GAL3ST4: variants seen among roughly 807,000 people sequenced by gnomAD.
GAL3ST4 encodes the protein beta-galactose-3-O-sulfotransferase 4.
GAL3ST4 carries 30 observed loss-of-function variants against 31.6 expected under a neutral mutation model. The ratio of observed to expected loss-of-function variants is 0.95; its 90% confidence interval spans 0.71 to 1.29. GAL3ST4 has a LOEUF of 1.29. Ranked by LOEUF, GAL3ST4 falls within the 50% of genes most tolerant of loss-of-function variation. The pLI is 0.00. For missense variants in GAL3ST4, 629 were observed against 625.2 expected, an observed-to-expected ratio of 1.01 and a Z score of -0.06; for synonymous variants, 248 against 256.9, an observed-to-expected ratio of 0.97 and a Z score of 0.33.
intron 3 of GAL3ST4, among the ~76,000 whole-genome samples, chr7:100,165,487 G>T (rs1473448891): frequency 6.6e-6 from 1 of 152,068 alleles, no homozygotes; most frequent in Non-Finnish European, 1.5e-5. Flanking sequence ...AATGTGAGGG[G>T]GTTGAAGAAG....
At position 100,160,686 on chromosome 7, in the gene GAL3ST4, G is replaced by A; in HGVS notation, c.703C>T (p.Pro235Ser). 6.2e-7 allele frequency: 1 copy of A among 1,613,874 alleles called. No individual in the cohort carries two copies. The highest frequency in any genetic ancestry group is 1.1e-5 in the South Asian group (1 of 91,076). The part of the protein sequence containing the change: ...KRGNIHPPRD[P>S]NPPQLQVLPS... ...AAGACCTGCAGCTGTGGGGGGTTGG[G>A]GTCTCTGGGGGGATGAATATTCCCT... Residue 235 changes from proline (P) to serine (S), a missense_variant, in exon 4 of 4, where the codon CCC becomes TCC. Coordinates refer to ENST00000360039, the MANE Select transcript of GAL3ST4 (RefSeq NM_024637.5).
In GAL3ST4 at chr7:100,163,028, A is replaced by T. The variant is rs547830792; in HGVS notation, c.430-2069T>A. On this transcript the variant is annotated intron_variant, in intron 3 of 3. Coordinates refer to ENST00000360039, the MANE Select transcript of GAL3ST4 (RefSeq NM_024637.5). The stretch of plus-strand genomic sequence containing the variant: ...AACCAACCTTTGTACTCATTTCTCC[A>T]GCAAAAACCTGTTGAGTGCCTGGGA... 6.0e-4 allele frequency among the ~76,000 whole-genome samples: 91 copies of T among 152,300 alleles called. 3 individuals carry two copies. In the South Asian group the frequency reaches 0.018, roughly 30 times the overall value.
chr7:100,161,023 A>G, intron 3 of GAL3ST4, 64 bp from the exon 4 acceptor site: 14 of 1,395,516 alleles, frequency 1.0e-5, no homozygotes, highest in Non-Finnish European at 1.2e-5. Flanking sequence ...ATAAGTATGC[A>G]CAAGCCATGT....
At chr7:100,161,061 C>T (rs574254224) in intron 3 of GAL3ST4, 102 bp from the exon 4 acceptor site, 1 of 958,296 alleles carries the variant, frequency 1.0e-6, no homozygotes, top group South Asian at 1.8e-5. Context: ...CTGAAACCTC[C>T]TCCTCCCAGC....
In GAL3ST4 at chr7:100,160,738, G is replaced by C. The variant is rs1798988579; in HGVS notation, c.651C>G (p.Pro217=). The C allele has an allele frequency of 6.2e-7, 1 of 1,614,154 alleles. No homozygotes were observed. The highest frequency in any genetic ancestry group is 8.5e-7 in the Non-Finnish European group (1 of 1,180,032). ...TCTTGGCCCTCTTCTCTGGGGGAAAGGGCAGGCCAAAGTCAAACCATAGTA... is the reference window on the plus strand; with the variant it reads ...TCTTGGCCCTCTTCTCTGGGGGAAACGGCAGGCCAAAGTCAAACCATAGTA... The part of the protein sequence containing the change: ...RNLLWFDFGL[P]FPPEKRAKRG... The change falls in exon 4 of 4, where the codon CCC becomes CCG. Residue 217 remains proline, a synonymous_variant. Transcript: ENST00000360039.
rs1361009101 is a variant in GAL3ST4 at position 100,168,387 on chromosome 7, C to T, written c.-189+159G>A. On this transcript the variant is annotated intron_variant, in intron 1 of 3. Transcript: ENST00000360039. The surrounding 1 kb of genome is among the most constrained non-coding windows in gnomAD (Gnocchi z 4.1). ...GAGTTCTTCATTTCCTTCCATCCAT[C>T]TCTCCCTTCCCATGATTGGAGATCC... Among the ~76,000 whole-genome samples the T allele has an allele frequency of 6.6e-6, 1 of 152,246 alleles. No individual in the cohort carries two copies. The highest frequency in any genetic ancestry group is 1.5e-5 in the Non-Finnish European group (1 of 68,040).
Position 100,165,817 on chromosome 7 carries a change from T to TCACACACACACACA in GAL3ST4, c.429+684_429+685insTGTGTGTGTGTGTG, listed in dbSNP as rs1491177370. Among the ~76,000 whole-genome samples the TCACACACACACACA allele has an allele frequency of 2.0e-4, 11 of 55,280 alleles. No homozygotes were observed. In the South Asian group the frequency reaches 2.5e-3, roughly 13 times the overall value. The allele number at this position is 55,280 out of a possible 152,430, so 36.3% of individuals were successfully genotyped here. A position where few individuals can be genotyped will look rare whatever the true frequency, so the allele number is the denominator to read the frequency against. On this transcript the variant is annotated intron_variant, in intron 3 of 3. Transcript: ENST00000360039. ...GCCTGGATGACAGAATGAGACCCTG[T>TCACACACACACACA]CTCACACACACACACACACACACAC...
intron 3 of GAL3ST4, among the ~76,000 whole-genome samples, chr7:100,165,819 TCACACACACACA>T (rs61284255): frequency 9.5e-5 from 13 of 136,374 alleles, no homozygotes; most frequent in East Asian, 2.2e-4. Flanking sequence ...AGACCCTGTC[TCACACACACACA>T]CACACACACA....
rs1168792508 is a variant in GAL3ST4, at chr7:100,166,975, T to A, written c.121A>T (p.Arg41Trp). 1.3e-6 allele frequency: 2 copies of A among 1,592,434 alleles called. No individual in the cohort carries two copies. Among genetic ancestry groups the A allele is most frequent in the Non-Finnish European group, 1.7e-6 (2 of 1,170,422 alleles). ...TGGGGCAAAGTGGGAACTCACCTCC[T>A]CTGGAAGGGCCCTCCCAAGAGCTGG... Reference protein sequence around the residue: ...ALQLLGGPFQRRLPGLQLRQP... With the variant: ...ALQLLGGPFQWRLPGLQLRQP... The change falls in exon 2 of 4, where the codon AGG (arginine) becomes TGG (tryptophan). Residue 41 changes from arginine to tryptophan, a missense_variant. Coordinates refer to ENST00000360039, the MANE Select transcript of GAL3ST4 (RefSeq NM_024637.5).
At chr7:100,166,445 G>A in intron 3 of GAL3ST4, 57 bp downstream of exon 3, 1 of 1,527,540 alleles carries the variant, frequency 6.5e-7, no homozygotes. Flanking sequence ...CTCCCTTGGT[G>A]GTGTCAGCCT....
intron 3 of GAL3ST4, 21 bp from the exon 4 acceptor site, chr7:100,160,980 AAG>A (rs988095356): frequency 6.4e-7 from 1 of 1,552,384 alleles, no homozygotes; most frequent in African/African-American, 1.4e-5. Flanking sequence ...GGGAAGACAG[AAG>A]AGAGAGAACT....
In GAL3ST4 at chr7:100,160,226, C is replaced by T. The variant is rs762070602; in HGVS notation, c.1163G>A (p.Arg388Gln). The change falls in exon 4 of 4, where the codon CGG becomes CAG. Residue 388 changes from arginine to glutamine, a missense_variant. By Grantham distance (43) the Arg-to-Gln change is conservative. Coordinates refer to ENST00000360039, the MANE Select transcript of GAL3ST4 (RefSeq NM_024637.5). ...WARIEKYGQG[R>Q]LQTAVAELRA... is the part of the protein sequence containing the mutation. ...GAGCTCGGCCACAGCTGTCTGCAGC[C>T]GGCCCTGGCCGTATTTCTCTATCCG... 15 of 1,613,960 alleles carry T rather than the reference C, an allele frequency of 9.3e-6. No homozygotes were observed. The highest frequency in any genetic ancestry group is 2.2e-5 in the East Asian group (1 of 44,898).
At chr7:100,161,108 T>C in intron 3 of GAL3ST4, 149 bp from the exon 4 acceptor site, 1 of 647,500 alleles carries the variant, frequency 1.5e-6, no homozygotes, top group Non-Finnish European at 2.5e-6. Flanking sequence ...ACTTGCTGAG[T>C]GGCAAGTTAC....
At chr7:100,167,357 C>A in intron 1 of GAL3ST4, 74 bp from the exon 2 acceptor site, 1 of 718,312 alleles carries the variant, frequency 1.4e-6, no homozygotes, top group South Asian at 1.9e-5. Flanking sequence ...CCTGCTGCAG[C>A]TGAGACCTCC....
At chr7:100,165,235 A>G (rs1297284883) in intron 3 of GAL3ST4, among the ~76,000 whole-genome samples, 1 of 151,576 alleles carries the variant, frequency 6.6e-6, no homozygotes, top group Non-Finnish European at 1.5e-5. Context: ...CAGTGGCACA[A>G]TCTCGGCTCA....
rs754070459 is a variant in GAL3ST4 at position 100,168,346 on chromosome 7, G to C, written c.-189+200C>G. Reference sequence around the variant, plus strand: ...TGATCACAGCCCCTGGGGTCTAGCCGCGTCTCCCCTATCCAGAGTTCTTCA... The same window carrying C: ...TGATCACAGCCCCTGGGGTCTAGCCCCGTCTCCCCTATCCAGAGTTCTTCA... On this transcript the variant is annotated intron_variant, in intron 1 of 3. Coordinates refer to ENST00000360039, the MANE Select transcript of GAL3ST4 (RefSeq NM_024637.5). The surrounding 1 kb of genome is among the most constrained non-coding windows in gnomAD (Gnocchi z 4.1). Among the ~76,000 whole-genome samples the C allele has an allele frequency of 2.0e-5, 3 of 152,102 alleles. No individual in the cohort carries two copies. The highest frequency in any genetic ancestry group is 2.1e-4 in the South Asian group (1 of 4,822).
intron 2 of GAL3ST4, 38 bp downstream of exon 2, chr7:100,166,933 G>A (rs1281971812): frequency 1.3e-6 from 2 of 1,586,020 alleles, no homozygotes; most frequent in Admixed American, 3.7e-5. Context: ...AGCAAGTACG[G>A]GGCGTCTAGA....
chr7:100,166,038 G>T, intron 3 of GAL3ST4, among the ~76,000 whole-genome samples: 1 of 151,850 alleles, frequency 6.6e-6, no homozygotes, highest in East Asian at 2.0e-4. Flanking sequence ...AGTGGCACAT[G>T]CCTTAGCCAT....
chr7:100,160,963 C>T lies in GAL3ST4; in HGVS notation c.430-4G>A. On this transcript the variant is annotated splice_polypyrimidine_tract_variant and splice_region_variant and intron_variant, in intron 3 of 3. Transcript: ENST00000360039. ...CAGAAGGCATGACCTGAAGTACCTG[C>T]AGAGGAGGGAAGACAGAAGAGAGAG... 6.3e-7 allele frequency: 1 copy of T among 1,578,064 alleles called. No homozygotes were observed. The highest frequency in any genetic ancestry group is 1.2e-5 in the South Asian group (1 of 85,308).
Sources: allele counts gnomAD v4.1 joint callset (sites outside exome capture counted in the v4.1 genomes callset), GRCh38; gene constraint gnomAD v4.1.1; non-coding constraint Gnocchi (gnomAD v3.1); transcripts MANE v1.5; gene names NCBI Gene and HGNC (gene_info 2026-07-23, HGNC 2026-07-21).